NF1: variants seen among roughly 807,000 people sequenced by gnomAD.
NF1 encodes the protein neurofibromin.
In NF1, 122 loss-of-function variants were observed where a neutral mutation model predicts 325.7. The ratio of observed to expected loss-of-function variants is 0.37; its 90% CI spans 0.32 to 0.44. The LOEUF (loss-of-function observed/expected upper bound fraction) is 0.44, where lower values mean the gene tolerates loss of function less well. Ranked by LOEUF, NF1 falls within the 20% of genes least tolerant of loss-of-function variation. The pLI, the probability that NF1 is intolerant of heterozygous loss-of-function variation, is 1.00. For synonymous variants in NF1, 1,091 were observed against 1,186.0 expected (o/e 0.92, Z 1.65); for missense variants, 2,140 against 3,415.4 (o/e 0.63, Z 9.31).
At chr17:31,246,315 C>G (rs1169053117) in intron 29 of NF1, among the ~76,000 whole-genome samples, 1 of 152,194 alleles carries the variant, frequency 6.6e-6, no homozygotes, top group Non-Finnish European at 1.5e-5. Flanking sequence ...TTAGAACTCA[C>G]CTGTTCAATG....
In NF1 at chr17:31,232,828, C is replaced by T. The variant is rs2151434733; in HGVS notation, c.3443C>T (p.Ala1148Val). The change falls in exon 26 of 58, where the codon GCA (alanine) becomes GTA (valine). Residue 1148 changes from alanine (A) to valine (V), a missense_variant. Physicochemically the swap from Ala to Val is moderately conservative, Grantham distance 64. Around this residue, in one of 10 missense-constraint regions of NF1, gnomAD observed 380 missense variants for 639.3 expected, o/e 0.59. Coordinates refer to ENST00000358273, the MANE Select transcript of NF1 (RefSeq NM_001042492.3). ...TCACTGAGGCACTGTACGGTCCTTGCAATGTCAAACTTACTCAATGCCAAC... is the reference window on the plus strand; with the variant it reads ...TCACTGAGGCACTGTACGGTCCTTGTAATGTCAAACTTACTCAATGCCAAC... The part of the protein sequence containing the change: ...LASLRHCTVL[A>V]MSNLLNANVD... 6.2e-7 allele frequency: 1 copy of T among 1,614,062 alleles called. No individual in the cohort carries two copies. Among genetic ancestry groups the T allele is most frequent in the Non-Finnish European group, 8.5e-7 (1 of 1,179,990 alleles).
intron 34 of NF1, 54 bp downstream of exon 34, chr17:31,260,569 A>G: frequency 1.9e-6 from 3 of 1,590,630 alleles, no homozygotes; most frequent in Non-Finnish European, 2.6e-6. Context: ...AATTTAGATT[A>G]ATACAATTAT....
At chr17:31,267,927 C>T (rs927707156) in intron 36 of NF1, among the ~76,000 whole-genome samples, 2 of 152,118 alleles carry the variant, frequency 1.3e-5, no homozygotes, top group Non-Finnish European at 2.9e-5. Flanking sequence ...AGATCCTGGG[C>T]AATCAGTTAA....
At chr17:31,129,254 A>C (rs560497253) in intron 1 of NF1, among the ~76,000 whole-genome samples, 2 of 151,956 alleles carry the variant, frequency 1.3e-5, no homozygotes, top group Non-Finnish European at 2.9e-5. Flanking sequence ...TTCTCCCCAT[A>C]TCTTTCAGGG....
At chr17:31,234,858 C>G (rs886112034) in intron 27 of NF1, among the ~76,000 whole-genome samples, 4 of 152,008 alleles carry the variant, frequency 2.6e-5, no homozygotes, top group African/African-American at 7.2e-5. Context: ...TTTGTTGTTA[C>G]TGCTTGAGGA....
At chr17:31,249,486 C>G (rs1597735630) in intron 30 of NF1, among the ~76,000 whole-genome samples, 1 of 152,124 alleles carries the variant, frequency 6.6e-6, no homozygotes, top group African/African-American at 2.4e-5. Context: ...GGCGGGTCTC[C>G]TCCTTGCTTT....
intron 1 of NF1, among the ~76,000 whole-genome samples, chr17:31,105,892 T>A (rs1912817967): frequency 6.6e-6 from 1 of 152,220 alleles, no homozygotes; most frequent in Non-Finnish European, 1.5e-5. Flanking sequence ...CAGAGTGGTA[T>A]ATCTAGCACA....
chr17:31,096,024 C>G (rs1445279667), intron 1 of NF1, among the ~76,000 whole-genome samples: 1 of 151,950 alleles, frequency 6.6e-6, no homozygotes, highest in African/African-American at 2.4e-5. Context: ...CCTACAACGT[C>G]GTCCCCCATA....
intron 4 of NF1, among the ~76,000 whole-genome samples, chr17:31,166,827 A>C (rs891552282): frequency 2.6e-5 from 4 of 152,130 alleles, no homozygotes; most frequent in Non-Finnish European, 5.9e-5. Context: ...TTAAGCCCCA[A>C]GCTCCTAGGT....
In NF1 at chr17:31,376,711, A is replaced by G. The variant is rs1169938644; in HGVS notation, c.*2556A>G. 4.3e-6 allele frequency: 1 copy of G among 233,060 alleles called. No homozygotes were observed. Among genetic ancestry groups the G allele is most frequent in the East Asian group, 6.0e-5 (1 of 16,594 alleles). The allele number at this position is 233,060 out of a possible 1,614,324, so 14.4% of individuals were successfully genotyped here. On this transcript the variant is annotated 3_prime_UTR_variant, in exon 58 of 58. Coordinates refer to ENST00000358273, the MANE Select transcript of NF1 (RefSeq NM_001042492.3). ...TGACATAAGTTCTGTTAAAAATATT[A>G]TAAGTAATTCGTTTCGGTTTGTAGA...
Position 31,213,816 on chromosome 17 carries a change from G to A in NF1, c.1393-635G>A, listed in dbSNP as rs374840628. Among the ~76,000 whole-genome samples, 84 of 152,240 alleles carry A rather than the reference G, an allele frequency of 5.5e-4. 1 individual carries two copies. The Middle Eastern group carries it at 0.027, about 49-fold the overall frequency. On this transcript the variant is annotated intron_variant, in intron 12 of 57. Transcript: ENST00000358273. Reference sequence around the variant, plus strand: ...CATTCTGTAACTTAAAAGAGGTGGAGTGCCGTCGAAGGAAAAAGCAAATTT... The same window carrying A: ...CATTCTGTAACTTAAAAGAGGTGGAATGCCGTCGAAGGAAAAAGCAAATTT...
intron 17 of NF1, among the ~76,000 whole-genome samples, chr17:31,225,509 G>C (rs561275412): frequency 6.6e-6 from 1 of 152,200 alleles, no homozygotes; most frequent in South Asian, 2.1e-4. Flanking sequence ...TGTGTAAATA[G>C]CACTTGACAC....
intron 57 of NF1, among the ~76,000 whole-genome samples, chr17:31,372,536 A>T (rs73277726): frequency 6.6e-6 from 1 of 152,182 alleles, no homozygotes; most frequent in Non-Finnish European, 1.5e-5. Flanking sequence ...CATCATCTAC[A>T]TCAAGAAACA....
intron 57 of NF1, chr17:31,367,339 C>T (rs970104536): frequency 3.6e-6 from 4 of 1,112,560 alleles, no homozygotes; most frequent in Admixed American, 2.3e-5. Context: ...TCATCCTGGG[C>T]ACATAGCATG....
At chr17:31,220,325 T>C (rs994851643) in intron 14 of NF1, among the ~76,000 whole-genome samples, 5 of 152,192 alleles carry the variant, frequency 3.3e-5, no homozygotes, top group African/African-American at 1.2e-4. Context: ...TTGCTTCCAT[T>C]TGTGTACATT....
chr17:31,362,365 G>A (rs1013791682), intron 57 of NF1: 2 of 984,938 alleles, frequency 2.0e-6, no homozygotes, highest in Admixed American at 6.1e-5. Context: ...AACCATACAG[G>A]TAATTTAGTT....
chr17:31,225,663 A>C (rs1475587078), intron 17 of NF1, among the ~76,000 whole-genome samples: 5 of 152,194 alleles, frequency 3.3e-5, no homozygotes, highest in Non-Finnish European at 7.4e-5. Context: ...GCTTCATGTT[A>C]AAGATAAGTG....
intron 36 of NF1, among the ~76,000 whole-genome samples, chr17:31,307,221 C>T (rs141282392): frequency 2.3e-4 from 35 of 151,812 alleles, no homozygotes; most frequent in African/African-American, 6.3e-4. Flanking sequence ...GGGGTTTCAC[C>T]GTGTTGGCCA....
chr17:31,204,493 CA>C (rs1415541796), intron 11 of NF1, among the ~76,000 whole-genome samples: 2 of 152,102 alleles, frequency 1.3e-5, no homozygotes, highest in African/African-American at 2.4e-5. Context: ...AGTAACTGCT[CA>C]AAATACTAAA....
Sources: gnomAD v4.1 joint callset for allele counts (sites outside exome capture counted in the v4.1 genomes callset) on GRCh38, gnomAD v4.1.1 for gene constraint, gnomAD v4.1.1 regional missense constraint, MANE v1.5 for transcripts, NCBI Gene and HGNC (gene_info 2026-07-23, HGNC 2026-07-21) for gene names.